Variants in THSD7A observed in about 807,000 individuals in gnomAD.
THSD7A encodes thrombospondin type 1 domain containing 7A, also known as thrombospondin type-1 domain-containing protein 7A.
THSD7A carries 96 observed loss-of-function variants against 231.3 expected under a neutral mutation model. The observed-to-expected ratio is 0.41, with a 90% CI of 0.35 to 0.49. The LOEUF (loss-of-function observed/expected upper bound fraction) is 0.49, where lower values mean the gene tolerates loss of function less well. Among genes scored for constraint, THSD7A ranks in the 20% least tolerant of loss-of-function variants. The pLI is 0.05. For missense variants in THSD7A, 2,290 were observed against 2,070.2 expected (o/e 1.11, Z -2.06); for synonymous variants, 940 against 743.3 (o/e 1.26, Z -4.30).
intron 23 of THSD7A, among the ~76,000 whole-genome samples, chr7:11,398,658 C>T (rs773689660): frequency 1.6e-4 from 24 of 152,150 alleles, no homozygotes; most frequent in East Asian, 3.9e-4. Flanking sequence ...GCATTAGCTA[C>T]GGGGGTCTGT....
chr7:11,682,778 A>T (rs1327665945), intron 1 of THSD7A, among the ~76,000 whole-genome samples: 1 of 151,850 alleles, frequency 6.6e-6, no homozygotes, highest in East Asian at 1.9e-4. Flanking sequence ...TCTACAGAAT[A>T]CTCCACTCAC....
rs1782320853 is a variant in THSD7A at position 11,377,458 on chromosome 7, A to C, written c.4802-801T>G. 6.6e-6 allele frequency among the ~76,000 whole-genome samples: 1 copy of C among 152,032 alleles called. No individual in the cohort carries two copies. Among genetic ancestry groups the C allele is most frequent in the Non-Finnish European group, 1.5e-5 (1 of 67,982 alleles). On this transcript the variant is annotated intron_variant, in intron 26 of 27. Coordinates refer to ENST00000423059, the MANE Select transcript of THSD7A (RefSeq NM_015204.3). This position sits in a 1 kb window ranked among gnomAD's most constrained non-coding sequence, Gnocchi z 4.5. The stretch of plus-strand genomic sequence containing the variant: ...ATTTTCTGTTGCAATTAAATATTTG[A>C]TCTTAGTGTTAAAATTATAGATTGG...
Position 11,474,875 on chromosome 7 carries a change from G to A in THSD7A, c.2018-307C>T, listed in dbSNP as rs1786093348. Among the ~76,000 whole-genome samples, 1 of 152,138 alleles carries A rather than the reference G, an allele frequency of 6.6e-6. No homozygotes were observed. Among genetic ancestry groups the A allele is most frequent in the Non-Finnish European group, 1.5e-5 (1 of 68,024 alleles). On this transcript the variant is annotated intron_variant, in intron 7 of 27. Coordinates refer to ENST00000423059, the MANE Select transcript of THSD7A (RefSeq NM_015204.3). This position sits in a 1 kb window ranked among gnomAD's most constrained non-coding sequence, Gnocchi z 4.1. ...ATATTGTGCGGTATTTAGTATAACT[G>A]GGATTCAAGGAGTACAATTTCACTA...
chr7:11,715,910 A>G (rs1206371973), intron 1 of THSD7A, among the ~76,000 whole-genome samples: 2 of 151,560 alleles, frequency 1.3e-5, no homozygotes, highest in African/African-American at 4.8e-5. Context: ...GCAACCATAG[A>G]AAGACAGCAA....
At chr7:11,655,624 A>G (rs1236861687) in intron 1 of THSD7A, among the ~76,000 whole-genome samples, 1 of 151,930 alleles carries the variant, frequency 6.6e-6, no homozygotes, top group Non-Finnish European at 1.5e-5. Context: ...AAACTAGTAA[A>G]GAAAATAAAA....
At chr7:11,673,887 T>G (rs1197483903) in intron 1 of THSD7A, among the ~76,000 whole-genome samples, 2 of 152,010 alleles carry the variant, frequency 1.3e-5, no homozygotes, top group African/African-American at 4.8e-5. Flanking sequence ...GAGCATGAGC[T>G]GAGCAGCCTC....
At chr7:11,750,234 T>A (rs993179453) in intron 1 of THSD7A, among the ~76,000 whole-genome samples, 1 of 151,862 alleles carries the variant, frequency 6.6e-6, no homozygotes, top group Non-Finnish European at 1.5e-5. Context: ...TATTAATTAC[T>A]AATTATTATT....
At chr7:11,826,612 G>A (rs1016213596) in intron 1 of THSD7A, among the ~76,000 whole-genome samples, 5 of 152,088 alleles carry the variant, frequency 3.3e-5, no homozygotes, top group African/African-American at 9.7e-5. Context: ...AGGAGTTTGA[G>A]ACCAGCCTGC....
intron 23 of THSD7A, among the ~76,000 whole-genome samples, chr7:11,396,057 A>T (rs1360436838): frequency 6.6e-6 from 1 of 152,054 alleles, no homozygotes; most frequent in East Asian, 1.9e-4. Context: ...GTAAATAACA[A>T]AACTAAAGCA....
chr7:11,704,542 G>A (rs1780704015), intron 1 of THSD7A, among the ~76,000 whole-genome samples: 2 of 150,806 alleles, frequency 1.3e-5, no homozygotes, highest in South Asian at 4.2e-4. Flanking sequence ...TTTGGAGTCT[G>A]TGTGAATATG....
At chr7:11,792,409 C>G (rs1430002259) in intron 1 of THSD7A, among the ~76,000 whole-genome samples, 1 of 151,948 alleles carries the variant, frequency 6.6e-6, no homozygotes, top group Non-Finnish European at 1.5e-5. Context: ...CCTTAATCAT[C>G]TGACTCCTAA....
intron 4 of THSD7A, among the ~76,000 whole-genome samples, chr7:11,555,408 C>T (rs977188108): frequency 1.1e-4 from 16 of 151,720 alleles, no homozygotes; most frequent in African/African-American, 3.9e-4. Flanking sequence ...TGATTGAATT[C>T]TAATTTGATT....
intron 6 of THSD7A, among the ~76,000 whole-genome samples, chr7:11,525,671 A>G (rs913494379): frequency 1.3e-5 from 2 of 152,182 alleles, no homozygotes; most frequent in Admixed American, 6.6e-5. Flanking sequence ...CCCAATAATT[A>G]TAAAAGATAT....
chr7:11,550,148 ACAAAATCAATGTATGAAATT>A (rs772191274), intron 4 of THSD7A, among the ~76,000 whole-genome samples: 9 of 152,188 alleles, frequency 5.9e-5, no homozygotes, highest in Non-Finnish European at 1.3e-4. Context: ...CTATCAGGAT[ACAAAATCAATGTATGAAATT>A]CAGCAGAATA....
intron 24 of THSD7A, among the ~76,000 whole-genome samples, chr7:11,381,717 G>T (rs1278161052): frequency 6.6e-6 from 1 of 152,016 alleles, no homozygotes; most frequent in Non-Finnish European, 1.5e-5. Context: ...TAGATTTCTG[G>T]GTCCATGTGC....
At chr7:11,379,819 A>C in intron 24 of THSD7A, 107 bp from the exon 25 acceptor site, 1 of 1,258,862 alleles carries the variant, frequency 7.9e-7, no homozygotes, top group Non-Finnish European at 1.1e-6. Flanking sequence ...TGGGAATCCC[A>C]GGAATTTTTC....
intron 2 of THSD7A, among the ~76,000 whole-genome samples, chr7:11,600,993 A>G (rs1481804537): frequency 1.3e-5 from 2 of 152,280 alleles, no homozygotes; most frequent in Non-Finnish European, 2.9e-5. Context: ...ACTCAGTGTC[A>G]TGTATTGATG....
chr7:11,566,965 T>TAGCC lies in THSD7A; in HGVS notation c.1453+23494_1453+23495insGGCT. 2.2e-5 allele frequency among the ~76,000 whole-genome samples: 2 copies of TAGCC among 92,304 alleles called. 1 individual carries two copies. Among genetic ancestry groups the TAGCC allele is most frequent in the Non-Finnish European group, 4.2e-5 (2 of 47,658 alleles). 60.6% of individuals were successfully genotyped at this position (92,304 alleles called of 152,430 possible). A position where few individuals can be genotyped will look rare whatever the true frequency, so the allele number is the denominator to read the frequency against. On this transcript the variant is annotated intron_variant, in intron 4 of 27. Coordinates refer to ENST00000423059, the MANE Select transcript of THSD7A (RefSeq NM_015204.3). The stretch of plus-strand genomic sequence containing the variant: ...CAAAGTGGATCCAGCTGTGGGAGAG[T>TAGCC]GGGGGGGGGACTGACCAACAAAGTT...
At position 11,435,066 on chromosome 7, in the gene THSD7A, G is replaced by A. The variant is rs150069170; in HGVS notation, c.3065-5941C>T. 5.4e-3 allele frequency among the ~76,000 whole-genome samples: 817 copies of A among 151,984 alleles called. 12 individuals are homozygous for A. Among genetic ancestry groups the A allele is most frequent in the Middle Eastern group, 0.017 (5 of 294 alleles). Reference sequence around the variant, plus strand: ...AAGCATATGTATTCATATCTGCTAAGTATTTATAAATTTTCACAGAAAATT... The same window carrying A: ...AAGCATATGTATTCATATCTGCTAAATATTTATAAATTTTCACAGAAAATT... On this transcript the variant is annotated intron_variant, in intron 13 of 27. Transcript: ENST00000423059.
Sources: allele counts gnomAD v4.1 joint callset (sites outside exome capture counted in the v4.1 genomes callset), GRCh38; gene constraint gnomAD v4.1.1; non-coding constraint Gnocchi (gnomAD v3.1); transcripts MANE v1.5; gene names NCBI Gene and HGNC (gene_info 2026-07-23, HGNC 2026-07-21).